The following PINX1 variants were observed in gnomAD, a reference collection of about 807,000 sequenced individuals.
PINX1 encodes the protein PIN2/TERF1-interacting telomerase inhibitor 1.
PINX1 carries 34 observed loss-of-function variants against 25.4 expected under a neutral mutation model. That is an observed-to-expected ratio of 1.34 (90% confidence interval 1.02 to 1.78). PINX1 has a LOEUF of 1.78. PINX1 is among the 40% of genes most tolerant of loss of function. The pLI is 0.00. For synonymous variants in PINX1, 197 were observed against 147.7 expected (o/e 1.33, Z -2.42); for missense variants, 592 against 404.9 (o/e 1.46, Z -3.97).
chr8:10,827,945 CT>C (rs1798108344), intron 4 of PINX1, among the ~76,000 whole-genome samples: 1 of 151,354 alleles, frequency 6.6e-6, no homozygotes, highest in South Asian at 2.1e-4. Context: ...ACAAACCAAC[CT>C]TCTTCAGAGG....
rs766926504 is a variant in PINX1 at position 10,765,156 on chromosome 8, G to A, written c.*245C>T. 2.2e-5 allele frequency: 11 copies of A among 500,326 alleles called. No individual in the cohort carries two copies. The South Asian group carries it at 2.6e-4, about 12-fold the overall frequency. The allele number at this position is 500,326 out of a possible 1,614,324, so 31.0% of individuals were successfully genotyped here. The stretch of plus-strand genomic sequence containing the variant: ...TTATAATTAAACTCTCTTGCTGAAG[G>A]GCTCAGAGTTTACAAAAAAATTTAT... On this transcript the variant is annotated 3_prime_UTR_variant, in exon 7 of 7. Transcript: ENST00000314787.
chr8:10,835,340 G>C (rs11991183), intron 1 of PINX1, among the ~76,000 whole-genome samples: 2 of 152,190 alleles, frequency 1.3e-5, no homozygotes, highest in Non-Finnish European at 2.9e-5. Flanking sequence ...GAGGCTTAGA[G>C]AAAGAAATTT....
chr8:10,791,420 T>C (rs1470361813), intron 6 of PINX1, among the ~76,000 whole-genome samples: 1 of 152,172 alleles, frequency 6.6e-6, no homozygotes, highest in Admixed American at 6.5e-5. Context: ...CAGTATGAAG[T>C]GACCAGCTTA....
chr8:10,804,047 A>T (rs1240290735), intron 6 of PINX1, among the ~76,000 whole-genome samples: 1 of 152,216 alleles, frequency 6.6e-6, no homozygotes, highest in Non-Finnish European at 1.5e-5. Flanking sequence ...GCAACTACTA[A>T]CGACCCTGAG....
chr8:10,765,356 G>A lies in PINX1; in HGVS notation c.*45C>T, dbSNP rs768245711. ...CAGGCCAGAGGTGTCTGCCCCCGCAGTGCCCTGACAGCTGAGTGGTCGGAA... is the reference window on the plus strand; with the variant it reads ...CAGGCCAGAGGTGTCTGCCCCCGCAATGCCCTGACAGCTGAGTGGTCGGAA... On this transcript the variant is annotated 3_prime_UTR_variant, in exon 7 of 7. Transcript: ENST00000314787. 4.0e-6 allele frequency: 6 copies of A among 1,516,834 alleles called. No individual in the cohort carries two copies. Among genetic ancestry groups the A allele is most frequent in the Non-Finnish European group, 5.3e-6 (6 of 1,135,934 alleles). 94.0% of individuals were successfully genotyped at this position (1,516,834 alleles called of 1,614,324 possible). A position where few individuals can be genotyped will look rare whatever the true frequency, so the allele number is the denominator to read the frequency against.
At chr8:10,826,003 A>G (rs979984331) in intron 5 of PINX1, 149 bp downstream of exon 5, 2 of 542,448 alleles carry the variant, frequency 3.7e-6, no homozygotes, top group Non-Finnish European at 3.3e-6. Context: ...ACCACAGTCA[A>G]TGCGAAGACT....
chr8:10,766,394 C>T (rs1368226194), intron 6 of PINX1, among the ~76,000 whole-genome samples: 3 of 152,150 alleles, frequency 2.0e-5, no homozygotes, highest in Non-Finnish European at 4.4e-5. Context: ...AACTTAGACG[C>T]CATCTGGATA....
At chr8:10,793,345 A>T (rs768620733) in intron 6 of PINX1, among the ~76,000 whole-genome samples, 8 of 152,234 alleles carry the variant, frequency 5.3e-5, no homozygotes, top group Non-Finnish European at 1.2e-4. Flanking sequence ...GTTTTCACCT[A>T]GACCAGGGGT....
chr8:10,827,998 G>T (rs1275352740), intron 4 of PINX1, among the ~76,000 whole-genome samples: 1 of 151,720 alleles, frequency 6.6e-6, no homozygotes, highest in Non-Finnish European at 1.5e-5. Context: ...CACCCTGACA[G>T]TGGAGCGAAA....
intron 6 of PINX1, among the ~76,000 whole-genome samples, chr8:10,817,964 G>T (rs1797751661): frequency 6.6e-6 from 1 of 152,134 alleles, no homozygotes; most frequent in South Asian, 2.1e-4. Flanking sequence ...TTCTCCTTTT[G>T]TAATATAGAT....
intron 6 of PINX1, among the ~76,000 whole-genome samples, chr8:10,775,746 G>A (rs1213197709): frequency 1.3e-5 from 2 of 152,226 alleles, no homozygotes; most frequent in Non-Finnish European, 2.9e-5. Context: ...ACAACTGACA[G>A]AACATGTGAT....
Position 10,765,285 on chromosome 8 carries a change from C to A in PINX1, c.*116G>T, listed in dbSNP as rs1762785755. The A allele has an allele frequency of 1.0e-6, 1 of 994,798 alleles. No homozygotes were observed. Among genetic ancestry groups the A allele is most frequent in the Middle Eastern group, 3.1e-4 (1 of 3,208 alleles). The allele number at this position is 994,798 out of a possible 1,614,324, so 61.6% of individuals were successfully genotyped here. A position where few individuals can be genotyped will look rare whatever the true frequency, so the allele number is the denominator to read the frequency against. On this transcript the variant is annotated 3_prime_UTR_variant, in exon 7 of 7. Transcript: ENST00000314787. ...CAGGACTCGGCAGCCCATGGGCATG[C>A]CACAAGATGCGCCCAGGCGCTCTGG...
At chr8:10,825,995 C>T (rs1308783331) in intron 5 of PINX1, among the ~76,000 whole-genome samples, 157 bp downstream of exon 5, 1 of 152,216 alleles carries the variant, frequency 6.6e-6, no homozygotes, top group Non-Finnish European at 1.5e-5. Context: ...TCAGGCACAC[C>T]ACAGTCAATG....
At chr8:10,818,760 G>A (rs1285325968) in intron 6 of PINX1, among the ~76,000 whole-genome samples, 1 of 152,172 alleles carries the variant, frequency 6.6e-6, no homozygotes, top group Admixed American at 6.5e-5. Flanking sequence ...GGTGGGGGCA[G>A]CTGTTGGGCA....
intron 6 of PINX1, among the ~76,000 whole-genome samples, chr8:10,775,531 G>A (rs1367711593): frequency 1.4e-5 from 2 of 142,212 alleles, no homozygotes; most frequent in African/African-American, 2.6e-5. Flanking sequence ...TTTTAAAAAA[G>A]ACATCTAAAA....
chr8:10,787,297 G>C (rs981371303), intron 6 of PINX1, among the ~76,000 whole-genome samples: 7 of 152,038 alleles, frequency 4.6e-5, no homozygotes, highest in Admixed American at 2.0e-4. Context: ...CGCAAACACA[G>C]CTCACTGTAG....
At chr8:10,804,010 T>C (rs914814202) in intron 6 of PINX1, among the ~76,000 whole-genome samples, 1 of 142,132 alleles carries the variant, frequency 7.0e-6, no homozygotes, top group Non-Finnish European at 1.6e-5. Context: ...ACCAACGAAC[T>C]CATATAGTTA....
chr8:10,768,891 G>A (rs145799612), intron 6 of PINX1, among the ~76,000 whole-genome samples: 1,597 of 152,214 alleles, frequency 0.01, 5 homozygotes, highest in African/African-American at 0.016. Flanking sequence ...CTCTATCAAA[G>A]TAAACAAGTA....
intron 6 of PINX1, among the ~76,000 whole-genome samples, chr8:10,789,850 A>AT (rs1185863192): frequency 5.3e-5 from 8 of 151,996 alleles, no homozygotes; most frequent in South Asian, 2.1e-4. Context: ...TGGATCATGG[A>AT]TTTTTCCCCC....
Sources: allele counts gnomAD v4.1 joint callset (sites outside exome capture counted in the v4.1 genomes callset), GRCh38; gene constraint gnomAD v4.1.1; transcripts MANE v1.5; gene names NCBI Gene and HGNC (gene_info 2026-07-23, HGNC 2026-07-21).